The following NOS1AP variants were observed in gnomAD, a reference collection of about 807,000 sequenced individuals.
NOS1AP encodes nitric oxide synthase 1 adaptor protein.
NOS1AP carries 21 observed loss-of-function variants against 56.2 expected under a neutral mutation model. The ratio of observed to expected loss-of-function variants is 0.37; its 90% confidence interval spans 0.26 to 0.54. The LOEUF is 0.54. Among genes scored for constraint, NOS1AP ranks in the 20% least tolerant of loss-of-function variants. NOS1AP has a pLI of 0.84. For missense variants in NOS1AP, 522 were observed against 657.8 expected (o/e 0.79, Z 2.26); for synonymous variants, 270 against 274.6 (o/e 0.98, Z 0.17).
intron 2 of NOS1AP, among the ~76,000 whole-genome samples, chr1:162,231,745 A>G (rs1653131828): frequency 6.6e-6 from 1 of 152,176 alleles, no homozygotes; most frequent in African/African-American, 2.4e-5. Context: ...TGGAGCTGAG[A>G]GATGATAAAT....
At chr1:162,200,542 C>T (rs1651960821) in intron 2 of NOS1AP, among the ~76,000 whole-genome samples, 1 of 152,176 alleles carries the variant, frequency 6.6e-6, no homozygotes, top group Admixed American at 6.5e-5. Context: ...AGAGGATTAT[C>T]TCCAGAGAGC....
intron 5 of NOS1AP, among the ~76,000 whole-genome samples, chr1:162,340,390 T>G (rs1186477831): frequency 1.3e-5 from 2 of 152,244 alleles, no homozygotes; most frequent in Non-Finnish European, 2.9e-5. Flanking sequence ...GAGGCTATGC[T>G]ATCTGATGCA....
chr1:162,125,204 G>A (rs1648432382), intron 1 of NOS1AP, among the ~76,000 whole-genome samples: 1 of 149,762 alleles, frequency 6.7e-6, no homozygotes, highest in Admixed American at 6.6e-5. Flanking sequence ...CACAAGCTCG[G>A]CTCACTGCAA....
In NOS1AP at chr1:162,342,079, G is replaced by A. The variant is rs541035155; in HGVS notation, c.454-1756G>A. On this transcript the variant is annotated intron_variant, in intron 5 of 9. Coordinates refer to ENST00000361897, the MANE Select transcript of NOS1AP (RefSeq NM_014697.3). Reference sequence around the variant, plus strand: ...AGAAGGGGCCTAAGCCTGCCCTGTGGACACAGGAGGAAATTAAGGGTAGAT... The same window carrying A: ...AGAAGGGGCCTAAGCCTGCCCTGTGAACACAGGAGGAAATTAAGGGTAGAT... 5.3e-5 allele frequency among the ~76,000 whole-genome samples: 8 copies of A among 152,322 alleles called. No homozygotes were observed. The East Asian group carries it at 1.5e-3, about 29-fold the overall frequency.
chr1:162,228,605 C>T (rs760993856), intron 2 of NOS1AP, among the ~76,000 whole-genome samples: 20 of 152,340 alleles, frequency 1.3e-4, no homozygotes, highest in Admixed American at 6.5e-5. Context: ...GAAGGTTTCT[C>T]TCAGGAGTAA....
rs949358996 is a variant in NOS1AP, at chr1:162,334,173, A to G, written c.453+1048A>G. The stretch of plus-strand genomic sequence containing the variant: ...TGATGGGTGTCCTATTCCCTACCCT[A>G]GCTCCACAAAGAGAATTATGCTTTG... On this transcript the variant is annotated intron_variant, in intron 5 of 9. Transcript: ENST00000361897. Among the ~76,000 whole-genome samples the G allele has an allele frequency of 2.0e-5, 3 of 152,200 alleles. No homozygotes were observed. In the South Asian group the frequency reaches 6.2e-4, roughly 31 times the overall value.
At chr1:162,112,681 A>G (rs932801906) in intron 1 of NOS1AP, among the ~76,000 whole-genome samples, 1 of 152,188 alleles carries the variant, frequency 6.6e-6, no homozygotes. Flanking sequence ...TTATAGATAG[A>G]TTATTGATCA....
intron 4 of NOS1AP, among the ~76,000 whole-genome samples, chr1:162,330,951 T>C (rs897161179): frequency 6.6e-6 from 1 of 152,142 alleles, no homozygotes; most frequent in Non-Finnish European, 1.5e-5. Flanking sequence ...GGTTTCTGGC[T>C]TGAGTAGGTA....
In NOS1AP at chr1:162,109,444, A is replaced by C. The variant is rs148013228; in HGVS notation, c.105+39162A>C. 3.7e-3 allele frequency among the ~76,000 whole-genome samples: 568 copies of C among 152,286 alleles called. 7 individuals are homozygous for C. Among genetic ancestry groups the C allele is most frequent in the African/African-American group, 0.013 (531 of 41,548 alleles). Reference sequence around the variant, plus strand: ...GTGCATATTGAATTATTTACTTCTGAAATAGATGACATTTTATTTGGGATT... The same window carrying C: ...GTGCATATTGAATTATTTACTTCTGCAATAGATGACATTTTATTTGGGATT... On this transcript the variant is annotated intron_variant, in intron 1 of 9. Coordinates refer to ENST00000361897, the MANE Select transcript of NOS1AP (RefSeq NM_014697.3).
At chr1:162,247,664 A>T (rs932891956) in intron 2 of NOS1AP, among the ~76,000 whole-genome samples, 5 of 151,826 alleles carry the variant, frequency 3.3e-5, no homozygotes, top group Non-Finnish European at 7.4e-5. Context: ...AGGCTTGAAA[A>T]CTTACCTATG....
At position 162,367,199 on chromosome 1, in the gene NOS1AP, C is replaced by A. The variant is rs781596261; in HGVS notation, c.1253C>A (p.Pro418His). Residue 418 changes from proline to histidine, a missense_variant, in exon 10 of 10, where the codon CCC becomes CAC. By Grantham distance (77) the Pro-to-His change is moderately conservative. This residue lies in a region of NOS1AP where 160 missense variants were observed against 180.3 expected (regional missense o/e 0.89). Coordinates refer to ENST00000361897, the MANE Select transcript of NOS1AP (RefSeq NM_014697.3). The surrounding 1 kb of genome is among the most constrained non-coding windows in gnomAD (Gnocchi z 6.5). ...GACTTTGCCCACCCTGCGGGCAGCC[C>A]CTTAGGTAGGCGCGACTGCTTGGTG... ...LADFAHPAGS[P>H]LGRRDCLVKL... 1 of 1,613,954 alleles carries A rather than the reference C, an allele frequency of 6.2e-7. No homozygotes were observed. The highest frequency in any genetic ancestry group is 8.5e-7 in the Non-Finnish European group (1 of 1,179,980).
At chr1:162,203,267 T>C (rs1161123384) in intron 2 of NOS1AP, among the ~76,000 whole-genome samples, 1 of 152,232 alleles carries the variant, frequency 6.6e-6, no homozygotes, top group Admixed American at 6.5e-5. Flanking sequence ...TGCTTGTCCG[T>C]CTGTCTGTTC....
intron 2 of NOS1AP, among the ~76,000 whole-genome samples, chr1:162,184,557 T>C (rs912507841): frequency 6.6e-6 from 1 of 152,226 alleles, no homozygotes; most frequent in South Asian, 2.1e-4. Flanking sequence ...TTGTTACTGC[T>C]GAGAAAACTG....
intron 6 of NOS1AP, among the ~76,000 whole-genome samples, chr1:162,344,665 T>G (rs1441328206): frequency 1.3e-5 from 2 of 150,566 alleles, no homozygotes; most frequent in Non-Finnish European, 2.9e-5. Context: ...GAGCCAAGAT[T>G]GTGCCACCGC....
At chr1:162,203,610 T>G (rs544667738) in intron 2 of NOS1AP, among the ~76,000 whole-genome samples, 1 of 152,334 alleles carries the variant, frequency 6.6e-6, no homozygotes, top group South Asian at 2.1e-4. Flanking sequence ...CCACCATGAC[T>G]TTAGAACTTG....
At chr1:162,299,539 T>A (rs1273169885) in intron 3 of NOS1AP, among the ~76,000 whole-genome samples, 1 of 152,244 alleles carries the variant, frequency 6.6e-6, no homozygotes, top group Non-Finnish European at 1.5e-5. Context: ...TCCTTCTGTG[T>A]TGCTCCAAAT....
At chr1:162,279,244 GTC>G (rs1654840114) in intron 2 of NOS1AP, among the ~76,000 whole-genome samples, 1 of 152,162 alleles carries the variant, frequency 6.6e-6, no homozygotes, top group Admixed American at 6.5e-5. Flanking sequence ...CCCGTGACCT[GTC>G]AGCATGCTCC....
intron 3 of NOS1AP, among the ~76,000 whole-genome samples, chr1:162,290,108 C>T (rs1655241747): frequency 6.6e-6 from 1 of 152,174 alleles, no homozygotes; most frequent in African/African-American, 2.4e-5. Flanking sequence ...CATGGGACCT[C>T]GTGACTCACT....
chr1:162,171,257 T>TGG (rs1650767463), intron 2 of NOS1AP, among the ~76,000 whole-genome samples: 2 of 152,344 alleles, frequency 1.3e-5, no homozygotes, highest in Admixed American at 1.3e-4. Flanking sequence ...GAAAAGGTTG[T>TGG]GGCTTGCTCT....
Sources: allele counts gnomAD v4.1 joint callset (sites outside exome capture counted in the v4.1 genomes callset), GRCh38; gene constraint gnomAD v4.1.1; regional missense constraint gnomAD v4.1.1; non-coding constraint Gnocchi (gnomAD v3.1); transcripts MANE v1.5; gene names NCBI Gene and HGNC (gene_info 2026-07-23, HGNC 2026-07-21).